VPS39: variants seen among roughly 807,000 people sequenced by gnomAD.
The protein encoded by VPS39 is VPS39 subunit of HOPS complex.
A neutral mutation model predicts 121.0 loss-of-function variants in VPS39; 70 were observed. The ratio of observed to expected loss-of-function variants is 0.58; its 90% CI spans 0.48 to 0.71. The LOEUF is 0.71. Among genes scored for constraint, VPS39 ranks in the 30% least tolerant of loss-of-function variants. The pLI is 0.00. For synonymous variants in VPS39, 378 were observed against 398.1 expected, an observed-to-expected ratio of 0.95 and a Z score of 0.60; for missense variants, 818 against 1,051.5, an observed-to-expected ratio of 0.78 and a Z score of 3.07.
Position 42,167,548 on chromosome 15 carries a change from C to T in VPS39, c.1234-11G>A. On this transcript the variant is annotated splice_polypyrimidine_tract_variant and intron_variant, in intron 12 of 24. Coordinates refer to ENST00000318006, the MANE Select transcript of VPS39 (RefSeq NM_015289.5). ...CAATTGACTTCGTTTCTGCAAAGGTCAAAATGTGGGGTTAAGGCCAGGACT... is the reference window on the plus strand; with the variant it reads ...CAATTGACTTCGTTTCTGCAAAGGTTAAAATGTGGGGTTAAGGCCAGGACT... 4 of 1,613,756 alleles carry T rather than the reference C, an allele frequency of 2.5e-6. No homozygotes were observed. The highest frequency in any genetic ancestry group is 3.4e-6 in the Non-Finnish European group (4 of 1,179,838).
At position 42,178,507 on chromosome 15, in the gene VPS39, G is replaced by A. The variant is rs755366052; in HGVS notation, c.782C>T (p.Pro261Leu). The change falls in exon 9 of 25, where the codon CCG (proline) becomes CTG (leucine). Residue 261 changes from proline (P) to leucine (L), a missense_variant. Pro to Leu is a moderately conservative substitution (Grantham distance 98). Transcript: ENST00000318006. ...TTCAATGCTTTGGACCAGAAGCCTC[G>A]GTTCAAATGTTCGGATCTCAACATA... is the stretch of plus-strand genomic sequence containing the variant. ...PRYVEIRTFE[P>L]RLLVQSIELQ... 9 of 1,614,116 alleles carry A rather than the reference G, an allele frequency of 5.6e-6. No individual in the cohort carries two copies. Among genetic ancestry groups the A allele is most frequent in the Non-Finnish European group, 6.8e-6 (8 of 1,180,016 alleles).
At chr15:42,201,274 C>T (rs1454429628) in intron 1 of VPS39, among the ~76,000 whole-genome samples, 1 of 152,122 alleles carries the variant, frequency 6.6e-6, no homozygotes, top group Non-Finnish European at 1.5e-5. Context: ...CTCCCTAGCT[C>T]AAGTGATCCT....
chr15:42,195,801 A>C (rs2049924581), intron 2 of VPS39, among the ~76,000 whole-genome samples: 1 of 152,232 alleles, frequency 6.6e-6, no homozygotes, highest in Non-Finnish European at 1.5e-5. Flanking sequence ...GACTGTCTTC[A>C]CAGAATTGGA....
At position 42,165,836 on chromosome 15, in the gene VPS39, T is replaced by C; in HGVS notation, c.1681-20A>G. ...AAATATCTGTTAGAATGAACCCGAG[T>C]TCCAGCAGCAGAACCATCTGACTGC... On this transcript the variant is annotated intron_variant, in intron 16 of 24. Coordinates refer to ENST00000318006, the MANE Select transcript of VPS39 (RefSeq NM_015289.5). The C allele has an allele frequency of 1.9e-6, 3 of 1,607,048 alleles. No individual in the cohort carries two copies. Among genetic ancestry groups the C allele is most frequent in the Non-Finnish European group, 2.6e-6 (3 of 1,173,712 alleles).
At chr15:42,188,945 G>A (rs532230672) in intron 5 of VPS39, among the ~76,000 whole-genome samples, 169 bp downstream of exon 5, 63 of 152,224 alleles carry the variant, frequency 4.1e-4, no homozygotes, top group Non-Finnish European at 7.9e-4. Flanking sequence ...TAGCCTGGGC[G>A]ACAGAACAAG....
chr15:42,165,545 G>A, intron 17 of VPS39, 173 bp downstream of exon 17: 1 of 557,182 alleles, frequency 1.8e-6, no homozygotes. Context: ...TTGGTAGGTA[G>A]CATTTCCAGC....
chr15:42,204,663 G>GAAATA lies in VPS39; in HGVS notation c.73+3413_73+3417dup, dbSNP rs201532379. Among the ~76,000 whole-genome samples, 71 of 151,996 alleles carry GAAATA rather than the reference G, an allele frequency of 4.7e-4. 3 individuals carry two copies. In the East Asian group the frequency reaches 0.011, roughly 24 times the overall value. ...AGACTCAGTCTCAAAAAATAATAAT[G>GAAATA]AAATAAAATAAAATAAAATAAAATT... On this transcript the variant is annotated intron_variant, in intron 1 of 24. Coordinates refer to ENST00000318006, the MANE Select transcript of VPS39 (RefSeq NM_015289.5).
chr15:42,199,784 G>T, intron 2 of VPS39, 112 bp downstream of exon 2: 2 of 1,175,468 alleles, frequency 1.7e-6, no homozygotes. Flanking sequence ...TTCCCACCGT[G>T]CTCCCTCTAA....
At chr15:42,163,497 C>T in intron 20 of VPS39, 102 bp from the exon 21 acceptor site, 2 of 1,569,328 alleles carry the variant, frequency 1.3e-6, no homozygotes, top group Non-Finnish European at 1.8e-6. Flanking sequence ...ACAGCCAAAA[C>T]TGCGGGCCAG....
Position 42,169,721 on chromosome 15 carries a change from T to C in VPS39, c.1233+3A>G, listed in dbSNP as rs1483757468. 5 of 1,613,634 alleles carry C rather than the reference T, an allele frequency of 3.1e-6. No homozygotes were observed. The highest frequency in any genetic ancestry group is 4.5e-5 in the East Asian group (2 of 44,898). ...TCTTTCACGCACTCTGTACTATACC[T>C]ACCTGTGTCAGGTAGTCAATCAGAG... is the stretch of plus-strand genomic sequence containing the variant. On this transcript the variant is annotated splice_donor_region_variant and intron_variant, in intron 12 of 24. Coordinates refer to ENST00000318006, the MANE Select transcript of VPS39 (RefSeq NM_015289.5).
Position 42,208,177 on chromosome 15 carries a change from C to G in VPS39, c.-24G>C. 3.2e-6 allele frequency: 5 copies of G among 1,557,882 alleles called. No homozygotes were observed. The highest frequency in any genetic ancestry group is 4.3e-6 in the Non-Finnish European group (5 of 1,150,868). Reference sequence around the variant, plus strand: ...ATGGCGGCAAGGGGAGAGTTGCCACCGCCGTCTCGCCCAGAGTGTTCCGGG... The same window carrying G: ...ATGGCGGCAAGGGGAGAGTTGCCACGGCCGTCTCGCCCAGAGTGTTCCGGG... On this transcript the variant is annotated 5_prime_UTR_variant, in exon 1 of 25. Coordinates refer to ENST00000318006, the MANE Select transcript of VPS39 (RefSeq NM_015289.5).
chr15:42,187,247 A>C, intron 7 of VPS39, 24 bp downstream of exon 7: 9 of 1,545,312 alleles, frequency 5.8e-6, no homozygotes, highest in African/African-American at 1.4e-5. Context: ...AACTAATGAT[A>C]TTTGCAAAAT....
intron 3 of VPS39, 114 bp from the exon 4 acceptor site, chr15:42,191,281 C>G (rs2049822984): frequency 7.7e-7 from 1 of 1,306,976 alleles, no homozygotes; most frequent in Non-Finnish European, 1.1e-6. Flanking sequence ...TTACAGGGAT[C>G]TCACTGATTT....
At chr15:42,165,892 C>T (rs2049232194) in intron 16 of VPS39, 76 bp from the exon 17 acceptor site, 1 of 1,409,606 alleles carries the variant, frequency 7.1e-7, no homozygotes, top group African/African-American at 1.4e-5. Context: ...CATGTGAGCG[C>T]AGGGATCAAA....
At chr15:42,197,363 GA>G (rs1200291279) in intron 2 of VPS39, among the ~76,000 whole-genome samples, 1 of 144,826 alleles carries the variant, frequency 6.9e-6, no homozygotes, top group Non-Finnish European at 1.5e-5. Flanking sequence ...AAAAAAAAAA[GA>G]AAAAATCTAA....
intron 10 of VPS39, among the ~76,000 whole-genome samples, chr15:42,174,262 A>G: frequency 6.6e-6 from 1 of 151,960 alleles, no homozygotes; most frequent in East Asian, 1.9e-4. Context: ...AAAAATAAAA[A>G]ATAAAACAAA....
intron 4 of VPS39, 48 bp from the exon 5 acceptor site, chr15:42,189,256 A>G: frequency 4.0e-6 from 6 of 1,503,278 alleles, no homozygotes; most frequent in Non-Finnish European, 5.5e-6. Context: ...ATAATTCTCT[A>G]GCATAGCCAC....
Position 42,174,240 on chromosome 15 carries a change from C to T in VPS39, c.961-388G>A, listed in dbSNP as rs576059245. Reference sequence around the variant, plus strand: ...CCAGCCTGGGTGACAGAGTGAGACTCCATCTCAAAAAAAAAATAAAAAATA... The same window carrying T: ...CCAGCCTGGGTGACAGAGTGAGACTTCATCTCAAAAAAAAAATAAAAAATA... On this transcript the variant is annotated intron_variant, in intron 10 of 24. Transcript: ENST00000318006. Among the ~76,000 whole-genome samples, 12 of 151,728 alleles carry T rather than the reference C, an allele frequency of 7.9e-5. No individual in the cohort carries two copies. The South Asian group carries it at 2.5e-3, about 32-fold the overall frequency.
At chr15:42,193,890 G>GA (rs1214499819) in intron 2 of VPS39, among the ~76,000 whole-genome samples, 2 of 148,802 alleles carry the variant, frequency 1.3e-5, no homozygotes, top group Non-Finnish European at 3.0e-5. Flanking sequence ...TAAATGGTCT[G>GA]AAAAAACCAC....
Sources: allele counts gnomAD v4.1 joint callset (sites outside exome capture counted in the v4.1 genomes callset), GRCh38; gene constraint gnomAD v4.1.1; transcripts MANE v1.5; gene names NCBI Gene and HGNC (gene_info 2026-07-23, HGNC 2026-07-21).